Variants in SLC25A48 observed in about 807,000 individuals in gnomAD.
SLC25A48 encodes the protein solute carrier family 25 member 48, also known as CTC-321K16.1.
Under a neutral mutation model 32.2 loss-of-function variants are expected in SLC25A48, and 29 were observed. The observed-to-expected ratio is 0.90, with a 90% CI of 0.67 to 1.23. The LOEUF (loss-of-function observed/expected upper bound fraction) is 1.23. SLC25A48 is among the 50% of genes most tolerant of loss of function. The pLI is 0.00. For synonymous variants in SLC25A48, 164 were observed against 172.3 expected, an observed-to-expected ratio of 0.95 and a Z score of 0.38; for missense variants, 399 against 422.7, an observed-to-expected ratio of 0.94 and a Z score of 0.49.
chr5:135,876,765 C>A (rs1762093006), intron 6 of SLC25A48, among the ~76,000 whole-genome samples: 3 of 152,058 alleles, frequency 2.0e-5, no homozygotes, highest in African/African-American at 7.2e-5. Context: ...GTAACATAAA[C>A]AAAAATAATC....
chr5:135,753,235 T>C (rs931031237), intron 3 of SLC25A48, among the ~76,000 whole-genome samples: 8 of 152,024 alleles, frequency 5.3e-5, no homozygotes, highest in Non-Finnish European at 1.2e-4. Context: ...TTACCAGTAA[T>C]GTCTTGAGGG....
At chr5:135,647,506 TG>T (rs1752992483) in intron 3 of SLC25A48, among the ~76,000 whole-genome samples, 1 of 152,020 alleles carries the variant, frequency 6.6e-6, no homozygotes, top group Admixed American at 6.5e-5. Flanking sequence ...CTCTGTAATC[TG>T]GGGAGATCAT....
chr5:135,750,893 A>ACT (rs76532210), intron 3 of SLC25A48, among the ~76,000 whole-genome samples: 1 of 151,486 alleles, frequency 6.6e-6, no homozygotes, highest in Non-Finnish European at 1.5e-5. Context: ...TGCCTGTTTC[A>ACT]CTCTCTCTCT....
In SLC25A48 at chr5:135,842,419, C is replaced by T; in HGVS notation, c.50C>T (p.Ala17Val). The T allele has an allele frequency of 2.5e-6, 4 of 1,613,842 alleles. No individual in the cohort carries two copies. Among genetic ancestry groups the T allele is most frequent in the Non-Finnish European group, 3.4e-6 (4 of 1,179,742 alleles). Residue 17 changes from alanine to valine, a missense_variant, in exon 2 of 8, where the codon GCA (alanine) becomes GTA (valine). Coordinates refer to ENST00000681962, the MANE Select transcript of SLC25A48 (RefSeq NM_001349336.2). ...GGCATTCTTTTTTGATCCACAGGTG[C>T]AGCCAGTGTCATCGTTGGCCACCCT... ...EDFAAGWIGG[A>V]ASVIVGHPLD...
chr5:135,871,365 G>A lies in SLC25A48; in HGVS notation c.422-96G>A, dbSNP rs1761627335. The stretch of plus-strand genomic sequence containing the variant: ...TAAAAGCTGATGGGCTACATGAGAG[G>A]GAACTGTCAAAGGGCTGGGCTGGCT... On this transcript the variant is annotated intron_variant, in intron 4 of 7. Transcript: ENST00000681962. The A allele has an allele frequency of 4.9e-6, 7 of 1,415,942 alleles. No individual in the cohort carries two copies. In the South Asian group the frequency reaches 9.9e-5, roughly 20 times the overall value. 87.7% of individuals were successfully genotyped at this position (1,415,942 alleles called of 1,614,324 possible). A position where few individuals can be genotyped will look rare whatever the true frequency, so the allele number is the denominator to read the frequency against.
At chr5:135,650,466 C>A (rs544402208) in intron 3 of SLC25A48, 1 of 455,702 alleles carries the variant, frequency 2.2e-6, no homozygotes, top group African/African-American at 2.0e-5. Flanking sequence ...AGGAACCAGC[C>A]GGGTTCATCA....
At chr5:135,871,271 GTA>G (rs1476773374) in intron 4 of SLC25A48, among the ~76,000 whole-genome samples, 188 bp from the exon 5 acceptor site, 2 of 152,228 alleles carry the variant, frequency 1.3e-5, no homozygotes, top group African/African-American at 4.8e-5. Flanking sequence ...GTCTGGCTGT[GTA>G]TATTGGCAGG....
At chr5:135,750,096 A>G (rs1339227615) in intron 3 of SLC25A48, among the ~76,000 whole-genome samples, 1 of 152,206 alleles carries the variant, frequency 6.6e-6, no homozygotes, top group Non-Finnish European at 1.5e-5. Context: ...ATGTCCCACA[A>G]GCATAACAAA....
chr5:135,872,276 T>A (rs999044526), intron 5 of SLC25A48: 3 of 178,068 alleles, frequency 1.7e-5, no homozygotes, highest in African/African-American at 2.4e-5. Context: ...CACATCCTTC[T>A]TTCATTTAAG....
intron 3 of SLC25A48, among the ~76,000 whole-genome samples, chr5:135,794,831 T>TC: frequency 6.6e-6 from 1 of 151,700 alleles, no homozygotes; most frequent in African/African-American, 2.4e-5. Flanking sequence ...TTCCTAATAT[T>TC]CGGGGGGGAA....
Position 135,655,064 on chromosome 5 carries a change from T to C in SLC25A48, c.-521+20108T>C, listed in dbSNP as rs149469170. 7.6e-4 allele frequency among the ~76,000 whole-genome samples: 115 copies of C among 152,296 alleles called. 2 individuals carry two copies. The East Asian group carries it at 0.019, about 26-fold the overall frequency. ...GGGCCTTTCCTGTCCTTAGGTCCTA[T>C]GACATTAAGCGGGAAGCACTCCAGA... On this transcript the variant is annotated intron_variant, in intron 3 of 10. Transcript: ENST00000646290.
At chr5:135,583,508 C>T (rs1231921695) in intron 1 of SLC25A48, among the ~76,000 whole-genome samples, 1 of 151,928 alleles carries the variant, frequency 6.6e-6, no homozygotes, top group East Asian at 1.9e-4. Flanking sequence ...ACTTCCCTGG[C>T]AGGACAGGAA....
At chr5:135,863,490 C>A (rs1760962639) in intron 4 of SLC25A48, among the ~76,000 whole-genome samples, 1 of 152,246 alleles carries the variant, frequency 6.6e-6, no homozygotes, top group African/African-American at 2.4e-5. Flanking sequence ...CAGAGGATGG[C>A]AGCAAAGAGA....
chr5:135,601,368 C>T (rs1211160292), intron 1 of SLC25A48, among the ~76,000 whole-genome samples: 1 of 152,226 alleles, frequency 6.6e-6, no homozygotes, highest in Non-Finnish European at 1.5e-5. Context: ...GCTCTTCCCA[C>T]AGGTACCTCT....
At chr5:135,754,249 T>G (rs56962139) in intron 3 of SLC25A48, among the ~76,000 whole-genome samples, 7,296 of 151,906 alleles carry the variant, frequency 0.048, 371 homozygotes, top group African/African-American at 0.13. Context: ...CAGCAGTCAT[T>G]TCTCAAGGGT....
At chr5:135,793,653 G>T (rs1031869723) in intron 3 of SLC25A48, among the ~76,000 whole-genome samples, 5 of 151,506 alleles carry the variant, frequency 3.3e-5, no homozygotes, top group Non-Finnish European at 7.4e-5. Context: ...ATGTCACAGT[G>T]CATTTCCATC....
intron 4 of SLC25A48, among the ~76,000 whole-genome samples, chr5:135,868,123 A>G (rs1201165584): frequency 6.6e-6 from 1 of 152,248 alleles, no homozygotes; most frequent in Non-Finnish European, 1.5e-5. Context: ...TTTACCTTTT[A>G]TTGAATACAA....
At chr5:135,785,702 A>G (rs1756824664) in intron 3 of SLC25A48, among the ~76,000 whole-genome samples, 1 of 148,100 alleles carries the variant, frequency 6.8e-6, no homozygotes, top group African/African-American at 2.5e-5. Flanking sequence ...GTGGATCATA[A>G]TATCCAGAGG....
chr5:135,840,571 T>G (rs1758908365), intron 1 of SLC25A48, among the ~76,000 whole-genome samples: 1 of 152,216 alleles, frequency 6.6e-6, no homozygotes, highest in African/African-American at 2.4e-5. Context: ...TCACTCCCAT[T>G]TCCACCTCTT....
Sources: allele counts gnomAD v4.1 joint callset (sites outside exome capture counted in the v4.1 genomes callset), GRCh38; gene constraint gnomAD v4.1.1; transcripts MANE v1.5; gene names NCBI Gene and HGNC (gene_info 2026-07-23, HGNC 2026-07-21).